The following ZNF675 variants were observed in gnomAD, a reference collection of about 807,000 sequenced individuals.
The protein encoded by ZNF675 is zinc finger protein 675.
In ZNF675, 36 loss-of-function variants were observed where a neutral mutation model predicts 56.1. The ratio of observed to expected loss-of-function variants is 0.64; its 90% CI spans 0.49 to 0.85. The LOEUF (loss-of-function observed/expected upper bound fraction) is 0.85, where lower values mean the gene tolerates loss of function less well. ZNF675 is among the 40% of genes least tolerant of loss of function. The pLI is 0.00. For synonymous variants in ZNF675, 200 were observed against 218.9 expected, an observed-to-expected ratio of 0.91 and a Z score of 0.76; for missense variants, 663 against 654.2, an observed-to-expected ratio of 1.01 and a Z score of -0.15.
intron 1 of ZNF675, among the ~76,000 whole-genome samples, chr19:23,680,372 T>C (rs1968361479): frequency 6.6e-6 from 1 of 151,686 alleles, no homozygotes; most frequent in South Asian, 2.1e-4. Flanking sequence ...GAGACCAAGA[T>C]CATTTCTTTT....
At chr19:23,667,602 G>A (rs1274578100) in intron 1 of ZNF675, among the ~76,000 whole-genome samples, 2 of 152,030 alleles carry the variant, frequency 1.3e-5, no homozygotes, top group Non-Finnish European at 2.9e-5. Context: ...AGTGTCGATT[G>A]GTGCACTCAC....
In ZNF675 at chr19:23,686,945, G is replaced by A. The variant is rs1053326433; in HGVS notation, c.3+86C>T. The A allele has an allele frequency of 3.0e-5, 45 of 1,511,710 alleles. No homozygotes were observed. The African/African-American group carries it at 3.7e-4, about 12-fold the overall frequency. The allele number at this position is 1,511,710 out of a possible 1,614,324, so 93.6% of individuals were successfully genotyped here. A position where few individuals can be genotyped will look rare whatever the true frequency, so the allele number is the denominator to read the frequency against. On this transcript the variant is annotated intron_variant, in intron 1 of 3. Coordinates refer to ENST00000359788, the MANE Select transcript of ZNF675 (RefSeq NM_138330.3). ...GTGCAGATTGTGGAGCTGACTGCGG[G>A]GAGGCCTGAGTCCCGCCATAGCCAT... is the stretch of plus-strand genomic sequence containing the variant.
chr19:23,661,984 C>G, intron 3 of ZNF675, 130 bp downstream of exon 3: 1 of 693,374 alleles, frequency 1.4e-6, no homozygotes, highest in Non-Finnish European at 2.6e-6. Flanking sequence ...GCATAAAATA[C>G]TCAGGCTTTC....
At chr19:23,668,130 C>A (rs2051535051) in intron 1 of ZNF675, among the ~76,000 whole-genome samples, 1 of 150,666 alleles carries the variant, frequency 6.6e-6, no homozygotes, top group South Asian at 2.1e-4. Context: ...ACTCACAAAC[C>A]CTGAGGAGCT....
rs1273900685 is a variant in ZNF675, at chr19:23,654,588, GC to G, written c.344del (p.Gly115AlafsTer36). On this transcript the variant is annotated frameshift_variant, in exon 4 of 4. Transcript: ENST00000359788. LOFTEE classifies it high-confidence loss of function. Reference protein sequence around the residue: ...KCGNDNFQLKGCKSVDECKLH... With the variant: ...KCGNDNFQLKXCKSVDECKLH... ...ACTTACATTCATCCACACTTTTACAGCCTTTTAACTGAAAATTATCATTTCC... is the reference window on the plus strand; with the variant it reads ...ACTTACATTCATCCACACTTTTACAGCTTTTAACTGAAAATTATCATTTCC... The G allele has an allele frequency of 6.2e-7, 1 of 1,611,036 alleles. No individual in the cohort carries two copies. Among genetic ancestry groups the G allele is most frequent in the African/African-American group, 1.3e-5 (1 of 74,878 alleles).
intron 1 of ZNF675, among the ~76,000 whole-genome samples, chr19:23,674,838 G>A (rs890616614): frequency 6.6e-6 from 1 of 151,160 alleles, no homozygotes; most frequent in African/African-American, 2.5e-5. Context: ...TGGGCATGGT[G>A]GCACATGCCT....
intron 3 of ZNF675, 125 bp from the exon 4 acceptor site, chr19:23,654,831 T>C (rs6511461): frequency 0.99 from 675,534 of 682,034 alleles, 334,889 homozygotes; most frequent in East Asian, 1. Context: ...TAAGTGTATG[T>C]GTTGCCCCAG....
At chr19:23,679,040 A>G (rs4020519) in intron 1 of ZNF675, among the ~76,000 whole-genome samples, 150,037 of 150,350 alleles carry the variant, frequency 1, 74,869 homozygotes, top group Middle Eastern at 1. Flanking sequence ...GGTGGCAGGC[A>G]CCTGTAGTCC....
chr19:23,658,823 ATC>A (rs1175094341), intron 3 of ZNF675, among the ~76,000 whole-genome samples: 1 of 150,680 alleles, frequency 6.6e-6, no homozygotes, highest in African/African-American at 2.4e-5. Flanking sequence ...ATAGATCTAT[ATC>A]TCTATAGATA....
intron 1 of ZNF675, among the ~76,000 whole-genome samples, chr19:23,685,405 C>G (rs1968430641): frequency 6.6e-6 from 1 of 152,158 alleles, no homozygotes. Flanking sequence ...TCACTAGACA[C>G]TCGAGCAGAC....
intron 1 of ZNF675, among the ~76,000 whole-genome samples, chr19:23,682,311 C>T (rs1968387380): frequency 6.6e-6 from 1 of 151,736 alleles, no homozygotes; most frequent in Non-Finnish European, 1.5e-5. Flanking sequence ...TCTTTCTAAT[C>T]TTGTTTTCTC....
At chr19:23,669,141 T>C (rs1028120769) in intron 1 of ZNF675, among the ~76,000 whole-genome samples, 3 of 152,158 alleles carry the variant, frequency 2.0e-5, no homozygotes, top group Non-Finnish European at 4.4e-5. Context: ...CATTTTCTAG[T>C]AGATGTTGGT....
rs896890891 is a variant in ZNF675, at chr19:23,675,757, A to G, written c.3+11274T>C. ...TCACATCAAAAGGTAGAAATATCTC[A>G]ATTTAATAACCTGACATCCTAAATA... On this transcript the variant is annotated intron_variant, in intron 1 of 3. Coordinates refer to ENST00000359788, the MANE Select transcript of ZNF675 (RefSeq NM_138330.3). Among the ~76,000 whole-genome samples, 35 of 151,708 alleles carry G rather than the reference A, an allele frequency of 2.3e-4. 1 individual carries two copies. Among genetic ancestry groups the G allele is most frequent in the African/African-American group, 8.5e-4 (35 of 41,006 alleles).
chr19:23,654,364 T>C lies in ZNF675; in HGVS notation c.569A>G (p.His190Arg), dbSNP rs1318796518. ...ATTCACCTTGGTATAATTTCTTTCA[T>C]GTCGAGTTAGGTGTGAAAGCATGCA... ...SFCMLSHLTR[H>R]ERNYTKVNFC... The change falls in exon 4 of 4, where the codon CAT becomes CGT. Residue 190 changes from histidine (H) to arginine (R), a missense_variant. Physicochemically the swap from His to Arg is conservative, Grantham distance 29 (BLOSUM62 0). Around this residue, in one of 3 missense-constraint regions of ZNF675, gnomAD observed 617 missense variants for 590.5 expected, o/e 1.04. Coordinates refer to ENST00000359788, the MANE Select transcript of ZNF675 (RefSeq NM_138330.3). The C allele has an allele frequency of 1.2e-6, 2 of 1,612,280 alleles. No individual in the cohort carries two copies. Among genetic ancestry groups the C allele is most frequent in the Admixed American group, 1.7e-5 (1 of 59,766 alleles).
At chr19:23,658,886 T>TATATAGATATATCTATATAGATACAGAA (rs1555706356) in intron 3 of ZNF675, among the ~76,000 whole-genome samples, 4 of 43,694 alleles carry the variant, frequency 9.2e-5, no homozygotes, top group East Asian at 5.3e-4. Context: ...TATCTATAGA[T>TATATAGATATATCTATATAGATACAGAA]ATAGATCTAT....
chr19:23,653,459 AGT>A lies in ZNF675; in HGVS notation c.1472_1473del (p.His491LeufsTer8), dbSNP rs773285451. 5 of 1,612,748 alleles carry A rather than the reference AGT, an allele frequency of 3.1e-6. No homozygotes were observed. Among genetic ancestry groups the A allele is most frequent in the Non-Finnish European group, 4.2e-6 (5 of 1,179,740 alleles). On this transcript the variant is annotated frameshift_variant, in exon 4 of 4. Coordinates refer to ENST00000359788, the MANE Select transcript of ZNF675 (RefSeq NM_138330.3). LOFTEE classifies it high-confidence loss of function. ...KCEECGKAFK[H>X]SSSLTTHKRI... is the part of the protein sequence containing the mutation. ...CTTTTATGTGTAGTAAGGGATGAGG[AGT>A]GTTTAAAAGCTTTGCCACATTCTTC...
At position 23,683,060 on chromosome 19, in the gene ZNF675, G is replaced by A. The variant is rs567785281; in HGVS notation, c.3+3971C>T. 8.7e-4 allele frequency among the ~76,000 whole-genome samples: 131 copies of A among 151,314 alleles called. 2 individuals are homozygous for A. The highest frequency in any genetic ancestry group is 2.0e-3 in the African/African-American group (80 of 40,888). On this transcript the variant is annotated intron_variant, in intron 1 of 3. Coordinates refer to ENST00000359788, the MANE Select transcript of ZNF675 (RefSeq NM_138330.3). ...AAAAATTAGCCAGGCGTGGTGGTGC[G>A]CATCTGTAATCCCAGCTACTCGGGT...
chr19:23,677,087 AAAAG>A (rs1222103025), intron 1 of ZNF675, among the ~76,000 whole-genome samples: 2 of 6,082 alleles, frequency 3.3e-4, no homozygotes, highest in Non-Finnish European at 1.4e-3. Context: ...AAAAAAAAAA[AAAAG>A]AGAAAAGAAA....
chr19:23,681,319 C>T lies in ZNF675; in HGVS notation c.3+5712G>A, dbSNP rs974451234. Among the ~76,000 whole-genome samples, 7 of 151,514 alleles carry T rather than the reference C, an allele frequency of 4.6e-5. 1 individual carries two copies. The highest frequency in any genetic ancestry group is 1.7e-4 in the African/African-American group (7 of 40,912). On this transcript the variant is annotated intron_variant, in intron 1 of 3. Coordinates refer to ENST00000359788, the MANE Select transcript of ZNF675 (RefSeq NM_138330.3). ...CCTAGTCCTGGGAGGGGTGTGGGCA[C>T]GTCAATGTCTAGTGGGTGTGTTTGT...
Sources: gnomAD v4.1 joint callset for allele counts (sites outside exome capture counted in the v4.1 genomes callset) on GRCh38, gnomAD v4.1.1 for gene constraint, gnomAD v4.1.1 regional missense constraint, MANE v1.5 for transcripts, NCBI Gene and HGNC (gene_info 2026-07-23, HGNC 2026-07-21) for gene names.